The following HYDIN variants were observed in gnomAD, a reference collection of about 807,000 sequenced individuals.
The protein encoded by HYDIN is axonemal central pair apparatus protein HYDIN.
HYDIN carries 132 observed loss-of-function variants against 403.9 expected under a neutral mutation model. The observed-to-expected ratio is 0.33, with a 90% CI of 0.28 to 0.38. HYDIN has a LOEUF of 0.38. HYDIN is among the 10% of genes least tolerant of loss of function. The probability of loss-of-function intolerance (pLI) is 1.00; values close to 1 mark genes in which losing one functional copy is unlikely to be tolerated. For missense variants in HYDIN, 2,827 were observed against 5,009.5 expected (o/e 0.56, Z 13.15); for synonymous variants, 1,202 against 1,891.7 (o/e 0.64, Z 9.46).
chr16:71,186,349 C>T (rs758937666), intron 2 of HYDIN, among the ~76,000 whole-genome samples: 30 of 151,972 alleles, frequency 2.0e-4, no homozygotes, highest in Non-Finnish European at 4.1e-4. Flanking sequence ...TATTTTAATG[C>T]TCTGTGTTCT....
intron 45 of HYDIN, among the ~76,000 whole-genome samples, chr16:70,923,399 T>G (rs1406976445): frequency 8.0e-6 from 1 of 125,044 alleles, no homozygotes; most frequent in Non-Finnish European, 1.7e-5. Context: ...ACCCGGGAGG[T>G]GGAGGTTGCA....
At chr16:70,924,775 G>A (rs998416225) in intron 45 of HYDIN, among the ~76,000 whole-genome samples, 18 of 75,110 alleles carry the variant, frequency 2.4e-4, no homozygotes, top group African/African-American at 9.5e-4. Flanking sequence ...CATGGGTCAG[G>A]GGACAATACA....
At chr16:70,922,802 T>C (rs78718250) in intron 45 of HYDIN, among the ~76,000 whole-genome samples, 1 of 151,024 alleles carries the variant, frequency 6.6e-6, no homozygotes, top group Non-Finnish European at 1.5e-5. Flanking sequence ...TTTTTTTTTT[T>C]TTTTAGACAA....
At chr16:71,198,249 A>T (rs976768172) in intron 1 of HYDIN, among the ~76,000 whole-genome samples, 3 of 152,162 alleles carry the variant, frequency 2.0e-5, no homozygotes, top group African/African-American at 7.2e-5. Context: ...CAATTTATTT[A>T]TCCATTCTAC....
chr16:70,886,217 T>C (rs2041124272), intron 58 of HYDIN, among the ~76,000 whole-genome samples: 1 of 152,026 alleles, frequency 6.6e-6, no homozygotes, highest in Non-Finnish European at 1.5e-5. Context: ...CTTCAATTTT[T>C]CTAGAGTCTA....
At chr16:71,040,059 T>C (rs1302373536) in intron 18 of HYDIN, among the ~76,000 whole-genome samples, 2 of 151,598 alleles carry the variant, frequency 1.3e-5, no homozygotes, top group African/African-American at 2.4e-5. Flanking sequence ...TGTAGTTTGC[T>C]CCTGCTGGCA....
chr16:70,896,005 C>T lies in HYDIN; in HGVS notation c.9124G>A (p.Ala3042Thr), dbSNP rs918403383. Residue 3042 changes from alanine to threonine, a missense_variant, in exon 54 of 86, where the codon GCC (alanine) becomes ACC (threonine). By Grantham distance (58) the Ala-to-Thr change is moderately conservative. Coordinates refer to ENST00000393567, the MANE Select transcript of HYDIN (RefSeq NM_001270974.2). Reference protein sequence around the residue: ...IMVFAEAYDIALDITFPKGAE... With the variant: ...IMVFAEAYDITLDITFPKGAE... ...CCTTTGGGGAAGGTGATGTCCAAGG[C>T]GATGTCGTATGCCTCTGCAAAGACC... The T allele has an allele frequency of 5.0e-6, 8 of 1,610,826 alleles. No homozygotes were observed. The highest frequency in any genetic ancestry group is 2.7e-5 in the African/African-American group (2 of 73,676).
At chr16:70,897,765 TA>T (rs1459601604) in intron 53 of HYDIN, among the ~76,000 whole-genome samples, 1 of 152,162 alleles carries the variant, frequency 6.6e-6, no homozygotes, top group Non-Finnish European at 1.5e-5. Context: ...TGGAAGTGAA[TA>T]TAAGTTCACT....
At chr16:71,110,267 T>C (rs1321699081) in intron 10 of HYDIN, among the ~76,000 whole-genome samples, 4 of 145,482 alleles carry the variant, frequency 2.7e-5, no homozygotes, top group Non-Finnish European at 4.5e-5. Context: ...TATATAATTA[T>C]GATATACATA....
At chr16:71,189,766 C>CAAA (rs35684537) in intron 1 of HYDIN, among the ~76,000 whole-genome samples, 36 of 111,870 alleles carry the variant, frequency 3.2e-4, no homozygotes, top group Admixed American at 1.9e-3. Context: ...GACTCTGCCT[C>CAAA]AAAAAAAAAA....
At chr16:70,970,400 G>C in intron 36 of HYDIN, 120 bp downstream of exon 36, 2 of 596,532 alleles carry the variant, frequency 3.4e-6, no homozygotes, top group South Asian at 4.0e-5. Context: ...ATTTTACTCA[G>C]GTCAAGGGAA....
intron 9 of HYDIN, among the ~76,000 whole-genome samples, chr16:71,126,774 C>G (rs909220128): frequency 5.3e-5 from 8 of 152,162 alleles, no homozygotes; most frequent in African/African-American, 1.9e-4. Context: ...TCTCTGTCTC[C>G]TTTTCCACTT....
chr16:70,871,194 A>C (rs2040074667), intron 65 of HYDIN, among the ~76,000 whole-genome samples: 1 of 151,760 alleles, frequency 6.6e-6, no homozygotes, highest in South Asian at 2.1e-4. Flanking sequence ...ACGAAACGGA[A>C]TGGTCAGGGT....
chr16:70,955,573 A>T lies in HYDIN; in HGVS notation c.6143-25T>A, dbSNP rs372492439. The T allele has an allele frequency of 1.3e-3, 1,370 of 1,083,698 alleles. 9 individuals carry two copies. The African/African-American group carries it at 0.019, about 15-fold the overall frequency. The allele number at this position is 1,083,698 out of a possible 1,614,324, so 67.1% of individuals were successfully genotyped here. A position where few individuals can be genotyped will look rare whatever the true frequency, so the allele number is the denominator to read the frequency against. On this transcript the variant is annotated intron_variant, in intron 39 of 85. Transcript: ENST00000393567. ...CCTATTAAAAAGACCAGGGGGTTGA[A>T]TTTCACGGTGCTCATTTGCTCAGTG...
intron 18 of HYDIN, among the ~76,000 whole-genome samples, chr16:71,036,819 C>A (rs2081103827): frequency 6.6e-6 from 1 of 152,178 alleles, no homozygotes. Context: ...ACTACTCTAT[C>A]ATCCTTGTGT....
chr16:70,902,821 A>ATTTTTTTTTTTTTTTTTTTTTTTTT (rs60618592), intron 52 of HYDIN, among the ~76,000 whole-genome samples: 1 of 47,310 alleles, frequency 2.1e-5, no homozygotes, highest in East Asian at 5.4e-4. Flanking sequence ...ATATATATAT[A>ATTTTTTTTTTTTTTTTTTTTTTTTT]TTTTTTTTTT....
intron 71 of HYDIN, among the ~76,000 whole-genome samples, chr16:70,859,667 A>T (rs527675176): frequency 6.6e-6 from 1 of 152,192 alleles, no homozygotes; most frequent in African/African-American, 2.4e-5. Flanking sequence ...ACATGGCTCC[A>T]CTCTACTTTG....
intron 28 of HYDIN, 94 bp downstream of exon 28, chr16:70,985,091 A>G (rs2079149769): frequency 9.8e-7 from 1 of 1,025,078 alleles, no homozygotes; most frequent in South Asian, 1.8e-5. Context: ...AACAAAAAGA[A>G]AAAATCACAC....
rs1215589997 is a variant in HYDIN, at chr16:70,959,748, T to G, written c.6041A>C (p.Lys2014Thr). 1.0e-6 allele frequency: 1 copy of G among 984,846 alleles called. No individual in the cohort carries two copies. Among genetic ancestry groups the G allele is most frequent in the Non-Finnish European group, 1.5e-6 (1 of 680,448 alleles). The allele number at this position is 984,846 out of a possible 1,614,324, so 61.0% of individuals were successfully genotyped here. ...AATGCCCAGGTGGCGAGCGATTGCT[T>G]TGCTCACTGGGTTGTTTTCCACCTC... is the stretch of plus-strand genomic sequence containing the variant. ...VGEVENNPVSKAIARHLGIDI... is the reference protein window; with the variant it reads ...VGEVENNPVSTAIARHLGIDI... The change falls in exon 39 of 86, where the codon AAA (lysine) becomes ACA (threonine). Residue 2014 changes from lysine (K) to threonine (T), a missense_variant. Transcript: ENST00000393567.
Sources: allele counts gnomAD v4.1 joint callset (sites outside exome capture counted in the v4.1 genomes callset), GRCh38; gene constraint gnomAD v4.1.1; transcripts MANE v1.5; gene names NCBI Gene and HGNC (gene_info 2026-07-23, HGNC 2026-07-21).